FARS2: variants seen among roughly 807,000 people sequenced by gnomAD.
The protein encoded by FARS2 is phenylalanine--tRNA ligase, mitochondrial.
In FARS2, 40 loss-of-function variants were observed where a neutral mutation model predicts 46.4. The ratio of observed to expected loss-of-function variants is 0.86; its 90% CI spans 0.67 to 1.12. The LOEUF (loss-of-function observed/expected upper bound fraction) is 1.12, where lower values mean the gene tolerates loss of function less well. Among genes scored for constraint, FARS2 ranks in the 50% most tolerant of loss-of-function variants. FARS2 has a pLI of 0.00. For synonymous variants in FARS2, 234 were observed against 214.9 expected (o/e 1.09, Z -0.78); for missense variants, 513 against 567.9 (o/e 0.90, Z 0.98).
chr6:5,574,865 G>A (rs2326650), intron 5 of FARS2, among the ~76,000 whole-genome samples: 25,908 of 151,982 alleles, frequency 0.17, 4,038 homozygotes, highest in African/African-American at 0.4. Flanking sequence ...ACTCAAGTCC[G>A]GTAGTTGGCC....
At chr6:5,738,069 G>C (rs1259069103) in intron 6 of FARS2, among the ~76,000 whole-genome samples, 1 of 152,142 alleles carries the variant, frequency 6.6e-6, no homozygotes, top group Admixed American at 6.5e-5. Context: ...TCCCACTTCA[G>C]CCTTCTGAGT....
intron 3 of FARS2, among the ~76,000 whole-genome samples, chr6:5,413,460 A>G (rs1762051326): frequency 6.6e-6 from 1 of 152,196 alleles, no homozygotes; most frequent in East Asian, 1.9e-4. Flanking sequence ...GGTGGTTGGT[A>G]TACAGGTGAC....
At position 5,415,009 on chromosome 6, in the gene FARS2, G is replaced by A. The variant is rs370311578; in HGVS notation, c.772+10308G>A. Among the ~76,000 whole-genome samples, 472 of 151,622 alleles carry A rather than the reference G, an allele frequency of 3.1e-3. 24 individuals are homozygous for A. In the South Asian group the frequency reaches 0.091, roughly 29 times the overall value. ...TTTTTTTGTATTTTTAGTAGAGACC[G>A]GGTTTCACCAACTTGGCCAGGCTGG... On this transcript the variant is annotated intron_variant, in intron 3 of 6. Transcript: ENST00000274680.
intron 5 of FARS2, among the ~76,000 whole-genome samples, chr6:5,555,051 G>A (rs1247119679): frequency 6.6e-6 from 1 of 152,080 alleles, no homozygotes; most frequent in Non-Finnish European, 1.5e-5. Context: ...ACGTGTTGTG[G>A]GAGGGACCAG....
Position 5,589,586 on chromosome 6 carries a change from T to G in FARS2, c.1066-23583T>G, listed in dbSNP as rs925613836. Among the ~76,000 whole-genome samples the G allele has an allele frequency of 2.6e-4, 39 of 152,242 alleles. 1 individual carries two copies. The highest frequency in any genetic ancestry group is 5.9e-5 in the Non-Finnish European group (4 of 68,048). On this transcript the variant is annotated intron_variant, in intron 5 of 6. Coordinates refer to ENST00000274680, the MANE Select transcript of FARS2 (RefSeq NM_006567.5). ...CACTGAGTGCGGCTACCTCTGCAGA[T>G]GTGCTGTAATGCAGCAGGCTCACTG... is the stretch of plus-strand genomic sequence containing the variant.
intron 1 of FARS2, among the ~76,000 whole-genome samples, chr6:5,306,430 C>T (rs942711055): frequency 1.3e-5 from 2 of 152,198 alleles, no homozygotes; most frequent in Admixed American, 6.5e-5. Context: ...GGATCCTGCT[C>T]ATTCCATGGT....
intron 5 of FARS2, among the ~76,000 whole-genome samples, chr6:5,589,455 ATCT>A (rs1278242726): frequency 2.0e-5 from 3 of 152,238 alleles, no homozygotes; most frequent in African/African-American, 7.2e-5. Flanking sequence ...TTTGGCAGTA[ATCT>A]TCTCTTGAAC....
At chr6:5,763,581 G>A (rs1014543514) in intron 6 of FARS2, among the ~76,000 whole-genome samples, 1 of 152,208 alleles carries the variant, frequency 6.6e-6, no homozygotes, top group East Asian at 1.9e-4. Flanking sequence ...AATGAGGCCA[G>A]TAGAGGTTAA....
intron 4 of FARS2, among the ~76,000 whole-genome samples, chr6:5,476,254 A>G (rs886337401): frequency 6.6e-6 from 1 of 152,116 alleles, no homozygotes; most frequent in Admixed American, 6.5e-5. Flanking sequence ...GTTTTGTGAG[A>G]TGTTATCTCC....
At chr6:5,519,881 G>A (rs1769025629) in intron 4 of FARS2, among the ~76,000 whole-genome samples, 1 of 152,110 alleles carries the variant, frequency 6.6e-6, no homozygotes, top group Non-Finnish European at 1.5e-5. Context: ...GAATCTATTC[G>A]TAATATTATT....
At chr6:5,724,718 C>T (rs1760140308) in intron 6 of FARS2, among the ~76,000 whole-genome samples, 1 of 152,210 alleles carries the variant, frequency 6.6e-6, no homozygotes, top group Admixed American at 6.5e-5. Context: ...CCCTCAGCCT[C>T]TGTGCATAGC....
intron 6 of FARS2, among the ~76,000 whole-genome samples, chr6:5,634,688 C>T (rs554027055): frequency 1.3e-5 from 2 of 152,292 alleles, no homozygotes; most frequent in East Asian, 1.9e-4. Context: ...TGCTTGTGCT[C>T]CTATTCTTAG....
At chr6:5,355,671 A>T (rs958464522) in intron 1 of FARS2, among the ~76,000 whole-genome samples, 1 of 151,916 alleles carries the variant, frequency 6.6e-6, no homozygotes, top group African/African-American at 2.4e-5. Context: ...TAGATTTATA[A>T]TGCTGTTTTC....
chr6:5,553,243 G>C (rs2150519572), intron 5 of FARS2, among the ~76,000 whole-genome samples: 1 of 152,274 alleles, frequency 6.6e-6, no homozygotes, highest in Non-Finnish European at 1.5e-5. Context: ...ACTTATCACT[G>C]CAACAGGAGT....
chr6:5,417,959 T>C (rs1327671199), intron 3 of FARS2, among the ~76,000 whole-genome samples: 1 of 152,154 alleles, frequency 6.6e-6, no homozygotes, highest in African/African-American at 2.4e-5. Flanking sequence ...TTTCTATTGC[T>C]TTATCTTCAA....
intron 4 of FARS2, among the ~76,000 whole-genome samples, chr6:5,505,461 A>G (rs1768044069): frequency 6.6e-6 from 1 of 152,234 alleles, no homozygotes; most frequent in Admixed American, 6.5e-5. Context: ...AAGAAAGAGT[A>G]CTGTCCACAT....
At chr6:5,369,809 A>G (rs2127646043) in intron 2 of FARS2, among the ~76,000 whole-genome samples, 1 of 151,850 alleles carries the variant, frequency 6.6e-6, no homozygotes, top group Non-Finnish European at 1.5e-5. Context: ...TGCGTCTGTT[A>G]GATGTTATCC....
At chr6:5,517,061 A>T (rs1157625912) in intron 4 of FARS2, among the ~76,000 whole-genome samples, 1 of 152,188 alleles carries the variant, frequency 6.6e-6, no homozygotes, top group Non-Finnish European at 1.5e-5. Context: ...GGTATGGAAT[A>T]TGAGCATGGA....
chr6:5,503,373 A>AACACACACAC (rs72295741), intron 4 of FARS2, among the ~76,000 whole-genome samples: 6 of 136,318 alleles, frequency 4.4e-5, no homozygotes, highest in Admixed American at 3.8e-4. Context: ...AGGTATTCTT[A>AACACACACAC]ACACACACAC....
Sources: gnomAD v4.1 joint callset for allele counts (sites outside exome capture counted in the v4.1 genomes callset) on GRCh38, gnomAD v4.1.1 for gene constraint, MANE v1.5 for transcripts, NCBI Gene and HGNC (gene_info 2026-07-23, HGNC 2026-07-21) for gene names.